Variants in CASP2 observed in about 807,000 individuals in gnomAD.
CASP2 encodes the protein caspase 2.
In CASP2, 38 loss-of-function variants were observed where a neutral mutation model predicts 54.4. That is an observed-to-expected ratio of 0.70 (90% CI 0.54 to 0.92). The LOEUF is 0.92. Among genes scored for constraint, CASP2 ranks in the 40% least tolerant of loss-of-function variants. The pLI is 0.00. For missense variants in CASP2, 512 were observed against 579.6 expected (o/e 0.88, Z 1.20); for synonymous variants, 215 against 216.3 (o/e 0.99, Z 0.05).
intron 1 of CASP2, among the ~76,000 whole-genome samples, chr7:143,290,337 C>A (rs1012119304): frequency 2.6e-5 from 4 of 152,130 alleles, no homozygotes; most frequent in Non-Finnish European, 4.4e-5. Flanking sequence ...GCAGGGATTA[C>A]AGGCATGAGC....
intron 4 of CASP2, among the ~76,000 whole-genome samples, chr7:143,293,511 T>G (rs1801648570): frequency 6.6e-6 from 1 of 151,240 alleles, no homozygotes; most frequent in African/African-American, 2.4e-5. Context: ...TGTGGTTTTT[T>G]GTTTTTTTTT....
rs1802087294 is a variant in CASP2 at position 143,307,122 on chromosome 7, T to G, written c.*2051T>G. 1 of 152,262 alleles carries G rather than the reference T, an allele frequency of 6.6e-6. No individual in the cohort carries two copies. Among genetic ancestry groups the G allele is most frequent in the Non-Finnish European group, 1.5e-5 (1 of 68,054 alleles). The allele number at this position is 152,262 out of a possible 1,614,324, so 9.4% of individuals were successfully genotyped here. A position where few individuals can be genotyped will look rare whatever the true frequency, so the allele number is the denominator to read the frequency against. On this transcript the variant is annotated 3_prime_UTR_variant, in exon 11 of 11. Coordinates refer to ENST00000310447, the MANE Select transcript of CASP2 (RefSeq NM_032982.4). ...TCAGTCCCTGAGCAGTCTACTTCTG[T>G]GTCTGTCACCACATCTTGTCTTTTC... is the stretch of plus-strand genomic sequence containing the variant.
At chr7:143,291,401 A>T in intron 1 of CASP2, 139 bp from the exon 2 acceptor site, 3 of 839,740 alleles carry the variant, frequency 3.6e-6, no homozygotes, top group Non-Finnish European at 6.1e-6. Context: ...TCTTTGCTTT[A>T]ACCAGATTTA....
chr7:143,293,640 G>T (rs2116773024), intron 4 of CASP2, among the ~76,000 whole-genome samples: 1 of 151,988 alleles, frequency 6.6e-6, no homozygotes. Context: ...CTCCTGAGTA[G>T]CTAGGATTAC....
chr7:143,294,488 G>C, intron 5 of CASP2, 109 bp from the exon 6 acceptor site: 6 of 1,180,402 alleles, frequency 5.1e-6, no homozygotes, highest in Non-Finnish European at 7.6e-6. Context: ...TTACCTGCTG[G>C]AGGTTAAGAA....
intron 6 of CASP2, among the ~76,000 whole-genome samples, chr7:143,296,170 T>A (rs1478365908): frequency 6.6e-6 from 1 of 152,240 alleles, no homozygotes; most frequent in African/African-American, 2.4e-5. Flanking sequence ...TTGGTGAGTT[T>A]ATGAGCTCAC....
At chr7:143,300,613 T>C in intron 8 of CASP2, 1 of 1,356,236 alleles carries the variant, frequency 7.4e-7, no homozygotes, top group Non-Finnish European at 9.6e-7. Context: ...TCTGGTGCCC[T>C]TTTTTTGGTT....
In CASP2 at chr7:143,306,784, C is replaced by G. The variant is rs1188489590; in HGVS notation, c.*1713C>G. 6.6e-6 allele frequency: 1 copy of G among 152,202 alleles called. No individual in the cohort carries two copies. Among genetic ancestry groups the G allele is most frequent in the Admixed American group, 6.5e-5 (1 of 15,274 alleles). 9.4% of individuals were successfully genotyped at this position (152,202 alleles called of 1,614,324 possible). A position where few individuals can be genotyped will look rare whatever the true frequency, so the allele number is the denominator to read the frequency against. On this transcript the variant is annotated 3_prime_UTR_variant, in exon 11 of 11. Transcript: ENST00000310447. ...TAGCTGGGCTTACAGGCATGAGCCA[C>G]CACACCTGGCCAGGATTTGGTTGTT...
In CASP2 at chr7:143,290,928, A is replaced by G. The variant is rs185779104; in HGVS notation, c.75-612A>G. On this transcript the variant is annotated intron_variant, in intron 1 of 10. Transcript: ENST00000310447. ...ACTCTTTTAAAGTAAATAGATAAAT[A>G]CCTATCCACTGTGACTTTCTGTCAT... 497 of 158,298 alleles carry G rather than the reference A, an allele frequency of 3.1e-3. 2 individuals are homozygous for G. The highest frequency in any genetic ancestry group is 4.9e-3 in the Non-Finnish European group (355 of 72,000). The allele number at this position is 158,298 out of a possible 1,614,324, so 9.8% of individuals were successfully genotyped here.
rs921994901 is a variant in CASP2 at position 143,288,676 on chromosome 7, C to G, written c.74+147C>G. On this transcript the variant is annotated intron_variant, in intron 1 of 10. Transcript: ENST00000310447. ...TCCTGCCAAGGGTGGGACGCCCGCC[C>G]GAGCCGCTCCGAGCCTGACTCCGCG... 2.6e-4 allele frequency: 185 copies of G among 715,008 alleles called. No homozygotes were observed. In the African/African-American group the frequency reaches 2.9e-3, roughly 11 times the overall value. 44.3% of individuals were successfully genotyped at this position (715,008 alleles called of 1,614,324 possible). A position where few individuals can be genotyped will look rare whatever the true frequency, so the allele number is the denominator to read the frequency against.
At chr7:143,296,069 T>TAAAG (rs1278644097) in intron 6 of CASP2, among the ~76,000 whole-genome samples, 3 of 152,222 alleles carry the variant, frequency 2.0e-5, no homozygotes, top group African/African-American at 4.8e-5. Flanking sequence ...ATGCAGCTGA[T>TAAAG]AAAGGATCTT....
chr7:143,293,012 AAAAAT>A lies in CASP2; in HGVS notation c.475+334_475+338del, dbSNP rs751304801. 1.5e-3 allele frequency: 878 copies of A among 598,966 alleles called. 5 individuals carry two copies. The highest frequency in any genetic ancestry group is 0.011 in the African/African-American group (591 of 53,942). 37.1% of individuals were successfully genotyped at this position (598,966 alleles called of 1,614,324 possible). ...GCCAACAGAGTGAGACTCAGTCTCA[AAAAAT>A]AAAATAAAATAAAATAAAAAGGAGG... On this transcript the variant is annotated intron_variant, in intron 4 of 10. Coordinates refer to ENST00000310447, the MANE Select transcript of CASP2 (RefSeq NM_032982.4).
chr7:143,293,127 T>G lies in CASP2; in HGVS notation c.475+429T>G, dbSNP rs570106715. 5,838 of 655,394 alleles carry G rather than the reference T, an allele frequency of 8.9e-3. 35 individuals carry two copies. Among genetic ancestry groups the G allele is most frequent in the East Asian group, 0.028 (1,014 of 36,712 alleles). The allele number at this position is 655,394 out of a possible 1,614,324, so 40.6% of individuals were successfully genotyped here. On this transcript the variant is annotated intron_variant, in intron 4 of 10. Coordinates refer to ENST00000310447, the MANE Select transcript of CASP2 (RefSeq NM_032982.4). ...GCCCTTTTTTTTGTTTTTTTTTTTT[T>G]TTGTTGTGTTTTTTTTCAGAAATAG...
intron 1 of CASP2, 130 bp downstream of exon 1, chr7:143,288,659 A>G (rs1801458220): frequency 3.4e-6 from 3 of 873,036 alleles, no homozygotes; most frequent in Non-Finnish European, 5.3e-6. Flanking sequence ...CTTCCTGCCA[A>G]GGGTGGGACG....
In CASP2 at chr7:143,306,630, G is replaced by A. The variant is rs898702419; in HGVS notation, c.*1559G>A. The A allele has an allele frequency of 2.0e-5, 3 of 150,050 alleles. No homozygotes were observed. The highest frequency in any genetic ancestry group is 1.3e-4 in the Admixed American group (2 of 15,064). The allele number at this position is 150,050 out of a possible 1,614,324, so 9.3% of individuals were successfully genotyped here. ...CTCCAGTCTGTTCTCACATAACAGA[G>A]TAGTTTTGGTTTTTAATTTTTTTTG... On this transcript the variant is annotated 3_prime_UTR_variant, in exon 11 of 11. Transcript: ENST00000310447.
At chr7:143,298,375 A>C (rs1801817883) in intron 6 of CASP2, 1 of 152,232 alleles carries the variant, frequency 6.6e-6, no homozygotes, top group South Asian at 2.1e-4. Context: ...ATCGTGAATT[A>C]TAGAGGGAGG....
chr7:143,297,945 TCAA>T (rs1338180885), intron 6 of CASP2, among the ~76,000 whole-genome samples: 2 of 152,254 alleles, frequency 1.3e-5, no homozygotes, highest in Non-Finnish European at 2.9e-5. Flanking sequence ...CAGATACTTT[TCAA>T]CAACACCAGT....
chr7:143,288,582 G>C (rs906160625), intron 1 of CASP2, 53 bp downstream of exon 1: 38 of 1,497,262 alleles, frequency 2.5e-5, no homozygotes, highest in Admixed American at 1.2e-4. Flanking sequence ...GAAGGGGAGC[G>C]TGGCCCCCAG....
At position 143,292,600 on chromosome 7, in the gene CASP2, G is replaced by A. The variant is rs1006610791; in HGVS notation, c.394-17G>A. The A allele has an allele frequency of 6.2e-7, 1 of 1,613,248 alleles. No homozygotes were observed. Among genetic ancestry groups the A allele is most frequent in the East Asian group, 2.2e-5 (1 of 44,892 alleles). ...ACTTCCCTAAGGTCTGTCATCATGA[G>A]TTTTGATTTCTTACAGTTGAGCTGT... On this transcript the variant is annotated splice_polypyrimidine_tract_variant and intron_variant, in intron 3 of 10. Coordinates refer to ENST00000310447, the MANE Select transcript of CASP2 (RefSeq NM_032982.4).
Sources: gnomAD v4.1 joint callset for allele counts (sites outside exome capture counted in the v4.1 genomes callset) on GRCh38, gnomAD v4.1.1 for gene constraint, MANE v1.5 for transcripts, NCBI Gene and HGNC (gene_info 2026-07-23, HGNC 2026-07-21) for gene names.